The following DOP1B variants were observed in gnomAD, a reference collection of about 807,000 sequenced individuals.
The protein encoded by DOP1B is protein DOP1B.
A neutral mutation model predicts 233.5 loss-of-function variants in DOP1B; 174 were observed. The observed-to-expected ratio is 0.75, with a 90% CI of 0.66 to 0.85. The LOEUF (loss-of-function observed/expected upper bound fraction) is 0.85, where lower values mean the gene tolerates loss of function less well. DOP1B is among the 40% of genes least tolerant of loss of function. The pLI is 0.00. For missense variants in DOP1B, 2,652 were observed against 2,846.6 expected (o/e 0.93, Z 1.56); for synonymous variants, 1,190 against 1,185.6 (o/e 1.00, Z -0.08).
chr21:36,186,489 G>A (rs1039002678), intron 2 of DOP1B, among the ~76,000 whole-genome samples: 5 of 152,126 alleles, frequency 3.3e-5, no homozygotes, highest in African/African-American at 1.2e-4. Flanking sequence ...ACATGTGTAC[G>A]CATATCCAGT....
chr21:36,265,337 A>G (rs2067218977), intron 26 of DOP1B, among the ~76,000 whole-genome samples: 3 of 151,086 alleles, frequency 2.0e-5, no homozygotes, highest in African/African-American at 7.3e-5. Context: ...CAGAGGTTAC[A>G]GTGAGCCGAG....
intron 23 of DOP1B, among the ~76,000 whole-genome samples, chr21:36,257,641 GAAGTAGT>G (rs2067117642): frequency 1.4e-5 from 2 of 147,542 alleles, no homozygotes; most frequent in African/African-American, 5.0e-5. Flanking sequence ...TAGATAGATA[GAAGTAGT>G]TAGGTAAATA....
chr21:36,211,199 A>G (rs918967958), intron 5 of DOP1B, among the ~76,000 whole-genome samples: 4 of 152,238 alleles, frequency 2.6e-5, no homozygotes, highest in African/African-American at 9.7e-5. Context: ...GACACTCAGA[A>G]TATCTACTGA....
At position 36,251,230 on chromosome 21, in the gene DOP1B, G is replaced by C. The variant is rs61753639; in HGVS notation, c.5067G>C (p.Ala1689=). 6.2e-7 allele frequency: 1 copy of C among 1,613,924 alleles called. No individual in the cohort carries two copies. ...LTAHLGVQLT[A]AVAAVWSRKK... ...CCCATCTTGGGGTTCAGTTGACAGCGGCTGTTGCGGCAGTGTGGAGCAGAA... is the reference window on the plus strand; with the variant it reads ...CCCATCTTGGGGTTCAGTTGACAGCCGCTGTTGCGGCAGTGTGGAGCAGAA... Residue 1689 remains alanine (A), a synonymous_variant, in exon 22 of 37, where the codon GCG becomes GCC. Coordinates refer to ENST00000691173, the MANE Select transcript of DOP1B (RefSeq NM_001320714.2).
chr21:36,222,033 G>A lies in DOP1B; in HGVS notation c.1251-1198G>A, dbSNP rs2066629832. 2.0e-5 allele frequency among the ~76,000 whole-genome samples: 3 copies of A among 152,060 alleles called. No homozygotes were observed. The South Asian group carries it at 6.2e-4, about 32-fold the overall frequency. The stretch of plus-strand genomic sequence containing the variant: ...ATTACAGATGCCCACTATCATATCT[G>A]GCTAATTTTTATGTTTTTAGTAGTG... On this transcript the variant is annotated intron_variant, in intron 10 of 36. Coordinates refer to ENST00000691173, the MANE Select transcript of DOP1B (RefSeq NM_001320714.2).
rs60892353 is a variant in DOP1B, at chr21:36,242,151, C to CATTATTGTTATTATTATTATTATTATT, written c.3067+2202_3067+2203insGTTATTATTATTATTATTATTATTATT. 1.6e-3 allele frequency among the ~76,000 whole-genome samples: 235 copies of CATTATTGTTATTATTATTATTATTATT among 143,980 alleles called. 1 individual carries two copies. Among genetic ancestry groups the CATTATTGTTATTATTATTATTATTATT allele is most frequent in the Non-Finnish European group, 2.3e-3 (155 of 66,262 alleles). 94.5% of individuals were successfully genotyped at this position (143,980 alleles called of 152,430 possible). On this transcript the variant is annotated intron_variant, in intron 18 of 36. Transcript: ENST00000691173. ...AGCTCTATCTCCACAGTTCCTTGGG[C>CATTATTGTTATTATTATTATTATTATT]ATTATTATTATTATTATTATTATTA... is the stretch of plus-strand genomic sequence containing the variant.
chr21:36,224,297 A>G (rs1293180352), intron 11 of DOP1B, among the ~76,000 whole-genome samples: 1 of 151,934 alleles, frequency 6.6e-6, no homozygotes, highest in Non-Finnish European at 1.5e-5. Flanking sequence ...CTACAGGCTC[A>G]GCCTCCCAAG....
rs769353425 is a variant in DOP1B, at chr21:36,263,562, T to G, written c.5332T>G (p.Leu1778Val). Residue 1778 changes from leucine (L) to valine (V), a missense_variant, in exon 25 of 37, where the codon TTG (leucine) becomes GTG (valine). Physicochemically the swap from Leu to Val is conservative, Grantham distance 32. Coordinates refer to ENST00000691173, the MANE Select transcript of DOP1B (RefSeq NM_001320714.2). ...AAAAAACAGGCTCCCAGTACCAGCC[T>G]TGCAAGAGAACTTTTCTTCACTGTT... ...AFLQRLPVPA[L>V]QENFSSLLGV... 8 of 1,614,190 alleles carry G rather than the reference T, an allele frequency of 5.0e-6. No homozygotes were observed. The highest frequency in any genetic ancestry group is 6.8e-6 in the Non-Finnish European group (8 of 1,180,036).
At position 36,246,266 on chromosome 21, in the gene DOP1B, AC is replaced by A; in HGVS notation, c.4288del (p.Gln1430ArgfsTer13). On this transcript the variant is annotated frameshift_variant, in exon 19 of 37. Coordinates refer to ENST00000691173, the MANE Select transcript of DOP1B (RefSeq NM_001320714.2). LOFTEE classifies it high-confidence loss of function. This position sits in a 1 kb window ranked among gnomAD's most constrained non-coding sequence, Gnocchi z 5.1. ...FEESLINLGQ[D>X]QIWSEHPLQI... is the part of the protein sequence containing the mutation. ...GAGAGTCTCATTAACTTGGGTCAGG[AC>A]CAGATCTGGAGTGAGCACCCGCTGC... The A allele has an allele frequency of 1.9e-6, 3 of 1,613,860 alleles. No homozygotes were observed. The highest frequency in any genetic ancestry group is 2.5e-6 in the Non-Finnish European group (3 of 1,180,014).
intron 26 of DOP1B, 62 bp from the exon 27 acceptor site, chr21:36,269,951 T>C: frequency 6.4e-7 from 1 of 1,565,820 alleles, no homozygotes; most frequent in Non-Finnish European, 8.8e-7. Context: ...AGTGCTGTTT[T>C]AGGCACTTAA....
intron 2 of DOP1B, among the ~76,000 whole-genome samples, chr21:36,190,361 G>GA: frequency 6.6e-6 from 1 of 151,194 alleles, no homozygotes; most frequent in Non-Finnish European, 1.5e-5. Context: ...AAGTGATTTT[G>GA]AAAACATGGC....
chr21:36,258,885 C>A (rs2067137478), intron 23 of DOP1B, among the ~76,000 whole-genome samples: 1 of 152,060 alleles, frequency 6.6e-6, no homozygotes, highest in Non-Finnish European at 1.5e-5. Context: ...GTAAAAGGAC[C>A]CGGATGACTT....
chr21:36,234,223 G>T (rs1409080508), intron 15 of DOP1B, among the ~76,000 whole-genome samples: 1 of 152,058 alleles, frequency 6.6e-6, no homozygotes, highest in African/African-American at 2.4e-5. Context: ...ATCTTGAATA[G>T]ACAGAACTTG....
chr21:36,244,642 T>A (rs1038264124), intron 18 of DOP1B, among the ~76,000 whole-genome samples: 1 of 152,092 alleles, frequency 6.6e-6, no homozygotes, highest in Non-Finnish European at 1.5e-5. Flanking sequence ...GCGAGGCTGA[T>A]CTCGAACTCC....
intron 23 of DOP1B, among the ~76,000 whole-genome samples, chr21:36,254,981 A>G (rs1279242717): frequency 3.0e-5 from 4 of 134,992 alleles, no homozygotes; most frequent in African/African-American, 1.1e-4. Context: ...ACACAGTTTC[A>G]CTCTGTCACC....
intron 12 of DOP1B, among the ~76,000 whole-genome samples, chr21:36,227,283 C>G (rs763612676): frequency 2.0e-5 from 3 of 151,642 alleles, no homozygotes; most frequent in Non-Finnish European, 4.4e-5. Context: ...CACGGTGGCT[C>G]ACGCCTGTAA....
At chr21:36,259,376 T>G (rs2067144476) in intron 23 of DOP1B, among the ~76,000 whole-genome samples, 2 of 151,198 alleles carry the variant, frequency 1.3e-5, no homozygotes, top group Admixed American at 1.3e-4. Flanking sequence ...GTTCAAGCAA[T>G]TGTCCTGCCT....
chr21:36,263,767 A>G lies in DOP1B; in HGVS notation c.5440A>G (p.Thr1814Ala), dbSNP rs780593090. ...LLLSMLNDFVTRTPNLENKKD... is the reference protein window; with the variant it reads ...LLLSMLNDFVARTPNLENKKD... ...CAACAGCATGCTGAATGACTTTGTAACAAGAACTCCCAACCTGGAAAACAA... is the reference window on the plus strand; with the variant it reads ...CAACAGCATGCTGAATGACTTTGTAGCAAGAACTCCCAACCTGGAAAACAA... The change falls in exon 26 of 37, where the codon ACA becomes GCA. Residue 1814 changes from threonine (T) to alanine (A), a missense_variant. Thr to Ala is a moderately conservative substitution (Grantham distance 58). This residue lies in a region of DOP1B where 2,617 missense variants were observed against 2,794.3 expected (regional missense o/e 0.94). Transcript: ENST00000691173. The G allele has an allele frequency of 3.1e-5, 50 of 1,614,106 alleles. No individual in the cohort carries two copies. Among genetic ancestry groups the G allele is most frequent in the Non-Finnish European group, 4.0e-5 (47 of 1,180,054 alleles).
intron 27 of DOP1B, among the ~76,000 whole-genome samples, chr21:36,273,878 A>G (rs1317990142): frequency 2.0e-5 from 3 of 152,094 alleles, no homozygotes; most frequent in Non-Finnish European, 2.9e-5. Context: ...GATCGAGACC[A>G]TCCTGGCTAA....
Sources: gnomAD v4.1 joint callset for allele counts (sites outside exome capture counted in the v4.1 genomes callset) on GRCh38, gnomAD v4.1.1 for gene constraint, gnomAD v4.1.1 regional missense constraint, Gnocchi (gnomAD v3.1) non-coding constraint, MANE v1.5 for transcripts, NCBI Gene and HGNC (gene_info 2026-07-23, HGNC 2026-07-21) for gene names.